Variants in UMODL1 observed in about 807,000 individuals in gnomAD.
UMODL1 encodes the protein uromodulin like 1, also known as uromodulin-like 1.
A neutral mutation model predicts 136.3 loss-of-function variants in UMODL1; 128 were observed. That is an observed-to-expected ratio of 0.94 (90% confidence interval 0.81 to 1.09). The LOEUF is 1.09. Ranked by LOEUF, UMODL1 falls within the 50% of genes least tolerant of loss-of-function variation. UMODL1 has a pLI of 0.00. For synonymous variants in UMODL1, 721 were observed against 720.0 expected, an observed-to-expected ratio of 1.00 and a Z score of -0.02; for missense variants, 1,766 against 1,725.6, an observed-to-expected ratio of 1.02 and a Z score of -0.41.
At chr21:42,104,136 A>G (rs762353694) in intron 9 of UMODL1, 49 bp downstream of exon 9, 1 of 1,551,766 alleles carries the variant, frequency 6.4e-7, no homozygotes, top group Non-Finnish European at 8.8e-7. Flanking sequence ...CAGCTCAGAA[A>G]TCCTCTTGGT....
At chr21:42,134,780 AT>A (rs34392732) in intron 21 of UMODL1, among the ~76,000 whole-genome samples, 56,704 of 143,564 alleles carry the variant, frequency 0.39, 11,520 homozygotes, top group Non-Finnish European at 0.47. Context: ...AAGTCTGGCT[AT>A]TTTTTTTTTT....
Position 42,140,564 on chromosome 21 carries a change from G to A in UMODL1, c.*22-1532G>A, listed in dbSNP as rs1003582330. Among the ~76,000 whole-genome samples, 5 of 152,274 alleles carry A rather than the reference G, an allele frequency of 3.3e-5. No homozygotes were observed. In the South Asian group the frequency reaches 1.0e-3, roughly 32 times the overall value. On this transcript the variant is annotated intron_variant, in intron 22 of 22. Transcript: ENST00000408910. The stretch of plus-strand genomic sequence containing the variant: ...TACACTAGTGTTCACATGACTGATG[G>A]ACCCTTAGAACAATGCCCCTTGCCT...
At chr21:42,104,589 A>AT (rs1436499516) in intron 9 of UMODL1, among the ~76,000 whole-genome samples, 1 of 151,854 alleles carries the variant, frequency 6.6e-6, no homozygotes, top group Non-Finnish European at 1.5e-5. Context: ...AGCTGGGATT[A>AT]TAGGCGCCTG....
chr21:42,121,093 A>G lies in UMODL1; in HGVS notation c.2696A>G (p.Asp899Gly). ...TCTTCTAAATGTTGTGCAGATTACG[A>G]TGAGTGTGAAAGGAAGGAGGACGAC... Reference protein sequence around the residue: ...IRGDTFIQDYDECERKEDDCV... With the variant: ...IRGDTFIQDYGECERKEDDCV... The change falls in exon 16 of 23, where the codon GAT becomes GGT. Residue 899 changes from aspartate (D) to glycine (G), a missense_variant. By Grantham distance (94) the Asp-to-Gly change is moderately conservative (BLOSUM62 -1). Transcript: ENST00000408910. 6.2e-7 allele frequency: 1 copy of G among 1,612,938 alleles called. No individual in the cohort carries two copies. The highest frequency in any genetic ancestry group is 8.5e-7 in the Non-Finnish European group (1 of 1,179,494).
chr21:42,111,438 A>G, intron 11 of UMODL1, 68 bp from the exon 12 acceptor site: 5 of 1,613,792 alleles, frequency 3.1e-6, no homozygotes, highest in Non-Finnish European at 4.2e-6. Context: ...TCCTCCCCGA[A>G]GGCTACTGGG....
Position 42,128,544 on chromosome 21 carries a change from G to A in UMODL1, c.3690+713G>A, listed in dbSNP as rs148667307. Among the ~76,000 whole-genome samples the A allele has an allele frequency of 4.2e-3, 640 of 152,288 alleles. 6 individuals carry two copies. The highest frequency in any genetic ancestry group is 0.015 in the African/African-American group (612 of 41,548). ...ACCAAGCTCTGAGCGTCTGCAGGAC[G>A]TGGATAGAGAAGCAACACAAGGAAG... On this transcript the variant is annotated intron_variant, in intron 20 of 22. Coordinates refer to ENST00000408910, the MANE Select transcript of UMODL1 (RefSeq NM_001004416.3).
chr21:42,104,949 G>C (rs1405340443), intron 9 of UMODL1, among the ~76,000 whole-genome samples: 2 of 152,218 alleles, frequency 1.3e-5, no homozygotes, highest in African/African-American at 4.8e-5. Context: ...ACAGTCTCTA[G>C]ATCCACAAGC....
chr21:42,117,622 T>C (rs1601250347), intron 14 of UMODL1, among the ~76,000 whole-genome samples: 3 of 152,356 alleles, frequency 2.0e-5, no homozygotes, highest in Admixed American at 6.5e-5. Flanking sequence ...TGCCACCTAG[T>C]GGCCTGTCGT....
At position 42,121,187 on chromosome 21, in the gene UMODL1, C is replaced by T. The variant is rs1276203324; in HGVS notation, c.2790C>T (p.Pro930=). Residue 930 remains proline (P), a synonymous_variant, in exon 16 of 23, where the codon CCC becomes CCT. Coordinates refer to ENST00000408910, the MANE Select transcript of UMODL1 (RefSeq NM_001004416.3). ...CTTGTAGCTGCGAGGGAGGAGCCCCCGACTTCCCTGTGGAATATTCTGAGA... is the reference window on the plus strand; with the variant it reads ...CTTGTAGCTGCGAGGGAGGAGCCCCTGACTTCCCTGTGGAATATTCTGAGA... The part of the protein sequence containing the change: ...SFTCSCEGGA[P]DFPVEYSERP... The T allele has an allele frequency of 6.2e-6, 10 of 1,613,852 alleles. No homozygotes were observed. Among genetic ancestry groups the T allele is most frequent in the East Asian group, 4.5e-5 (2 of 44,886 alleles).
chr21:42,068,489 T>C (rs76422799), upstream of UMODL1, among the ~76,000 whole-genome samples: 249 of 152,242 alleles, frequency 1.6e-3, 3 homozygotes, highest in East Asian at 0.043. This position sits in a 1 kb window ranked among gnomAD's most constrained non-coding sequence, Gnocchi z 5.5. Flanking sequence ...AACCATTTTT[T>C]GGTTGCATGA....
intron 2 of UMODL1, among the ~76,000 whole-genome samples, chr21:42,082,861 C>T (rs1315022873): frequency 2.0e-5 from 3 of 152,238 alleles, no homozygotes; most frequent in East Asian, 1.9e-4. Context: ...CTCCGGACTC[C>T]TGACAGCTTC....
At chr21:42,136,759 G>GT (rs1180011516) in intron 21 of UMODL1, among the ~76,000 whole-genome samples, 30 of 151,406 alleles carry the variant, frequency 2.0e-4, no homozygotes, top group Admixed American at 2.0e-3. Flanking sequence ...GTTTTGTTTT[G>GT]TTTTTTCTTT....
chr21:42,119,728 C>G (rs149448488), intron 15 of UMODL1, among the ~76,000 whole-genome samples: 125 of 152,274 alleles, frequency 8.2e-4, no homozygotes, highest in Middle Eastern at 3.4e-3. Flanking sequence ...AATTCAGATT[C>G]TTTTCTCCTA....
chr21:42,140,653 C>A (rs1455657958), intron 22 of UMODL1, among the ~76,000 whole-genome samples: 1 of 152,102 alleles, frequency 6.6e-6, no homozygotes, highest in Non-Finnish European at 1.5e-5. Flanking sequence ...ATCCACAATT[C>A]TTAATTCTTG....
chr21:42,136,914 T>C lies in UMODL1; in HGVS notation c.3776-525T>C, dbSNP rs368401814. On this transcript the variant is annotated intron_variant, in intron 21 of 22. Transcript: ENST00000408910. ...CTGGGACTACAGACATGCGCCACCATGCCCGGCTAATTTTTGTATTTTTAG... is the reference window on the plus strand; with the variant it reads ...CTGGGACTACAGACATGCGCCACCACGCCCGGCTAATTTTTGTATTTTTAG... 2.1e-3 allele frequency among the ~76,000 whole-genome samples: 318 copies of C among 152,114 alleles called. 1 individual carries two copies. The highest frequency in any genetic ancestry group is 7.1e-3 in the African/African-American group (293 of 41,512).
intron 1 of UMODL1, among the ~76,000 whole-genome samples, chr21:42,072,747 C>A (rs950216574): frequency 2.6e-5 from 4 of 152,186 alleles, no homozygotes; most frequent in African/African-American, 9.7e-5. Context: ...GTTTGTGAGC[C>A]TGGGTGTGAG....
chr21:42,108,924 C>CCCCCCACGCGG (rs2066769505), intron 9 of UMODL1, among the ~76,000 whole-genome samples: 1 of 61,106 alleles, frequency 1.6e-5, no homozygotes, highest in Non-Finnish European at 3.0e-5. Flanking sequence ...ACCCCCCCCA[C>CCCCCCACGCGG]GAGAGAAGTC....
upstream of UMODL1, among the ~76,000 whole-genome samples, chr21:42,066,345 C>G (rs759814412): frequency 6.6e-6 from 1 of 152,200 alleles, no homozygotes; most frequent in Non-Finnish European, 1.5e-5. Context: ...TGCGGTGGCG[C>G]AATCTCGGCT....
chr21:42,115,804 A>T, intron 13 of UMODL1, 69 bp from the exon 14 acceptor site: 1 of 1,221,944 alleles, frequency 8.2e-7, no homozygotes, highest in Non-Finnish European at 1.2e-6. Flanking sequence ...TACATTTATT[A>T]ATATTGAAAT....
Sources: allele counts gnomAD v4.1 joint callset (sites outside exome capture counted in the v4.1 genomes callset), GRCh38; gene constraint gnomAD v4.1.1; non-coding constraint Gnocchi (gnomAD v3.1); transcripts MANE v1.5; gene names NCBI Gene and HGNC (gene_info 2026-07-23, HGNC 2026-07-21).